Variants in RNF24 observed in about 807,000 individuals in gnomAD.
The protein encoded by RNF24 is ring finger protein 24.
A neutral mutation model predicts 20.0 loss-of-function variants in RNF24; 14 were observed. The observed-to-expected ratio is 0.70, with a 90% confidence interval of 0.46 to 1.10. RNF24 has a LOEUF of 1.10. RNF24 is among the 50% of genes least tolerant of loss of function. The probability of loss-of-function intolerance (pLI) is 0.00; values close to 1 mark genes in which losing one functional copy is unlikely to be tolerated. For missense variants in RNF24, 124 were observed against 177.6 expected (o/e 0.70, Z 1.71); for synonymous variants, 45 against 61.1 (o/e 0.74, Z 1.23).
At chr20:3,982,481 G>A (rs1051755296) in intron 1 of RNF24, among the ~76,000 whole-genome samples, 2 of 151,056 alleles carry the variant, frequency 1.3e-5, no homozygotes, top group East Asian at 3.9e-4. Flanking sequence ...GGAGGTTGAG[G>A]CAGGAGAATC....
intron 1 of RNF24, among the ~76,000 whole-genome samples, chr20:3,986,118 T>C (rs1979877793): frequency 6.6e-6 from 1 of 152,210 alleles, no homozygotes; most frequent in South Asian, 2.1e-4. Context: ...TAGATCTTTA[T>C]GAGACTTCAC....
rs374151359 is a variant in RNF24, at chr20:3,964,003, G to A, written c.15C>T (p.Phe5=). MSSD[F]PHYNFRMPNI... ...TAGGCATCCTGAAGTTGTAATGTGG[G>A]AAATCCGAGCTCATGGATGAACTGT... The change falls in exon 2 of 6, where the codon TTC becomes TTT. Residue 5 remains phenylalanine, a synonymous_variant. Transcript: ENST00000358395. The A allele has an allele frequency of 2.5e-6, 4 of 1,613,178 alleles. No homozygotes were observed. The highest frequency in any genetic ancestry group is 2.5e-6 in the Non-Finnish European group (3 of 1,179,640).
chr20:3,963,336 G>GC (rs1257471442), intron 2 of RNF24, among the ~76,000 whole-genome samples: 1 of 152,108 alleles, frequency 6.6e-6, no homozygotes, highest in Non-Finnish European at 1.5e-5. Flanking sequence ...GGGATTACAG[G>GC]CATGAGCCAC....
At chr20:3,956,700 T>A (rs1568628079) in intron 2 of RNF24, among the ~76,000 whole-genome samples, 1 of 152,342 alleles carries the variant, frequency 6.6e-6, no homozygotes, top group South Asian at 2.1e-4. Context: ...TCATTGGTTT[T>A]AGTCTTTCTT....
At chr20:3,955,704 G>C (rs2091134286) in intron 2 of RNF24, among the ~76,000 whole-genome samples, 1 of 152,174 alleles carries the variant, frequency 6.6e-6, no homozygotes. Context: ...TGAATCTGTA[G>C]ATTGCCTTGG....
At chr20:3,966,063 G>C (rs1481826101) in intron 1 of RNF24, among the ~76,000 whole-genome samples, 3 of 148,766 alleles carry the variant, frequency 2.0e-5, no homozygotes, top group South Asian at 2.1e-4. Flanking sequence ...AAACCAGGGA[G>C]GTGGTTGGTT....
At chr20:3,979,532 G>A (rs775140551) in intron 1 of RNF24, among the ~76,000 whole-genome samples, 26 of 152,064 alleles carry the variant, frequency 1.7e-4, no homozygotes, top group Admixed American at 3.9e-4. Context: ...AAAATTAGCC[G>A]GGTGTGGTGG....
In RNF24 at chr20:3,933,283, A is replaced by G; in HGVS notation, c.*780T>C. On this transcript the variant is annotated 3_prime_UTR_variant, in exon 6 of 6. Coordinates refer to ENST00000358395, the MANE Select transcript of RNF24 (RefSeq NM_001134337.3). ...GTGGCAGTGGGCTCACAGCAGCTAC[A>G]CTGGAACCACAGTGCACATGTGGGG... 3 of 397,850 alleles carry G rather than the reference A, an allele frequency of 7.5e-6. No homozygotes were observed. The highest frequency in any genetic ancestry group is 8.8e-6 in the Non-Finnish European group (2 of 226,090). 24.6% of individuals were successfully genotyped at this position (397,850 alleles called of 1,614,324 possible). A position where few individuals can be genotyped will look rare whatever the true frequency, so the allele number is the denominator to read the frequency against.
chr20:4,010,334 C>G (rs1464779494), intron 1 of RNF24, among the ~76,000 whole-genome samples: 1 of 152,166 alleles, frequency 6.6e-6, no homozygotes, highest in African/African-American at 2.4e-5. Flanking sequence ...GATTGCACCA[C>G]TGTACTCCAG....
intron 1 of RNF24, among the ~76,000 whole-genome samples, chr20:4,000,082 AATTG>A (rs2147062843): frequency 6.6e-6 from 1 of 152,288 alleles, no homozygotes; most frequent in South Asian, 2.1e-4. Flanking sequence ...AATGTTCTAA[AATTG>A]ATTGTGGTGA....
chr20:3,950,087 T>C (rs1287518339), intron 2 of RNF24, among the ~76,000 whole-genome samples: 13 of 152,218 alleles, frequency 8.5e-5, no homozygotes, highest in Non-Finnish European at 7.3e-5. Flanking sequence ...ATCAGGTGTA[T>C]TGAATATGTC....
intron 1 of RNF24, among the ~76,000 whole-genome samples, chr20:3,998,207 A>G (rs1047427873): frequency 1.3e-5 from 2 of 152,142 alleles, no homozygotes; most frequent in East Asian, 1.9e-4. Flanking sequence ...TTGGGAGGCC[A>G]AGGCGGGCGG....
chr20:3,956,400 T>G (rs1473389543), intron 2 of RNF24, among the ~76,000 whole-genome samples: 1 of 151,820 alleles, frequency 6.6e-6, no homozygotes, highest in African/African-American at 2.4e-5. Context: ...CCTTTTAATG[T>G]TTATAGGATT....
chr20:4,008,390 T>TA (rs1568672484), intron 1 of RNF24, among the ~76,000 whole-genome samples: 52 of 23,016 alleles, frequency 2.3e-3, no homozygotes, highest in African/African-American at 1.0e-2. Flanking sequence ...AATATATATA[T>TA]TATATATGTA....
intron 2 of RNF24, among the ~76,000 whole-genome samples, chr20:3,952,159 A>G (rs1311203961): frequency 6.6e-6 from 1 of 152,106 alleles, no homozygotes; most frequent in African/African-American, 2.4e-5. Flanking sequence ...CCAGAAAAAA[A>G]AAAAAACCCT....
At chr20:3,956,245 A>G (rs769391442) in intron 2 of RNF24, among the ~76,000 whole-genome samples, 2 of 149,628 alleles carry the variant, frequency 1.3e-5, no homozygotes, top group Non-Finnish European at 3.0e-5. Context: ...AGAAAGTACA[A>G]TGTTAAGTTG....
chr20:3,966,950 A>G (rs2091265324), intron 1 of RNF24, among the ~76,000 whole-genome samples: 3 of 152,192 alleles, frequency 2.0e-5, no homozygotes, highest in African/African-American at 7.2e-5. Context: ...ATAAATCCCA[A>G]TTACCAGAGG....
In RNF24 at chr20:3,999,412, G is replaced by A. The variant is rs77198645; in HGVS notation, c.-8+16025C>T. ...AGTAACCGTTTATAGGGCTTTTCTC[G>A]TCATTTGTGACTGAAGACTCATGAA... On this transcript the variant is annotated intron_variant, in intron 1 of 5. Coordinates refer to ENST00000358395, the MANE Select transcript of RNF24 (RefSeq NM_001134337.3). Among the ~76,000 whole-genome samples, 142 of 152,162 alleles carry A rather than the reference G, an allele frequency of 9.3e-4. No homozygotes were observed. The East Asian group carries it at 0.012, about 12-fold the overall frequency.
chr20:3,978,072 AT>A (rs34517135), intron 1 of RNF24, among the ~76,000 whole-genome samples: 160 of 144,388 alleles, frequency 1.1e-3, no homozygotes, highest in Non-Finnish European at 9.8e-4. Flanking sequence ...AAGAAAACTA[AT>A]TTTTTTTTTT....
Sources: gnomAD v4.1 joint callset for allele counts (sites outside exome capture counted in the v4.1 genomes callset) on GRCh38, gnomAD v4.1.1 for gene constraint, MANE v1.5 for transcripts, NCBI Gene and HGNC (gene_info 2026-07-23, HGNC 2026-07-21) for gene names.